Variants in PRKN observed in about 807,000 individuals in gnomAD.
PRKN encodes parkin RBR E3 ubiquitin protein ligase, also known as E3 ubiquitin-protein ligase parkin.
PRKN carries 56 observed loss-of-function variants against 59.5 expected under a neutral mutation model. That is an observed-to-expected ratio of 0.94 (90% CI 0.76 to 1.18). PRKN has a LOEUF of 1.18. Among genes scored for constraint, PRKN ranks in the 50% most tolerant of loss-of-function variants. The pLI is 0.00. For synonymous variants in PRKN, 250 were observed against 222.1 expected (o/e 1.13, Z -1.12); for missense variants, 657 against 596.4 (o/e 1.10, Z -1.06).
intron 5 of PRKN, among the ~76,000 whole-genome samples, chr6:161,987,618 T>G (rs1029514698): frequency 3.9e-5 from 6 of 152,250 alleles, no homozygotes; most frequent in Non-Finnish European, 5.9e-5. Context: ...CTTTTTAAAT[T>G]TGTTTTTAAA....
chr6:161,936,788 A>T (rs796245054), intron 6 of PRKN, among the ~76,000 whole-genome samples: 204 of 139,186 alleles, frequency 1.5e-3, no homozygotes, highest in African/African-American at 4.8e-3. Flanking sequence ...TTTGTTTCAT[A>T]TTTTTTTTTT....
At chr6:162,303,439 A>T (rs752211917) in intron 2 of PRKN, among the ~76,000 whole-genome samples, 5 of 152,212 alleles carry the variant, frequency 3.3e-5, no homozygotes, top group Middle Eastern at 3.2e-3. Context: ...CTTATGAAGA[A>T]GAATTCCTCT....
chr6:161,408,906 C>T (rs1006804862), intron 9 of PRKN, among the ~76,000 whole-genome samples: 1 of 152,120 alleles, frequency 6.6e-6, no homozygotes, highest in Non-Finnish European at 1.5e-5. Flanking sequence ...AAGCATGCAG[C>T]AAGACTTGCA....
At position 161,686,195 on chromosome 6, in the gene PRKN, T is replaced by G. The variant is rs574035603; in HGVS notation, c.871+99577A>C. On this transcript the variant is annotated intron_variant, in intron 7 of 11. Coordinates refer to ENST00000366898, the MANE Select transcript of PRKN (RefSeq NM_004562.3). ...TTTGAAGTTCCTGAGTTCAGGTCAT[T>G]AGCATTTAATTATCAATGCCACCTT... Among the ~76,000 whole-genome samples, 30 of 152,242 alleles carry G rather than the reference T, an allele frequency of 2.0e-4. 1 individual carries two copies. The South Asian group carries it at 3.5e-3, about 18-fold the overall frequency.
chr6:161,943,172 C>T (rs973505239), intron 6 of PRKN, among the ~76,000 whole-genome samples: 11 of 152,238 alleles, frequency 7.2e-5, no homozygotes, highest in African/African-American at 2.7e-4. Flanking sequence ...ATTAAATCCA[C>T]TGTCCATCAG....
chr6:161,436,569 C>G (rs182748890), intron 9 of PRKN, among the ~76,000 whole-genome samples: 82 of 151,932 alleles, frequency 5.4e-4, no homozygotes, highest in Admixed American at 5.3e-3. Context: ...TTCCTGCATT[C>G]ATGAACTGCT....
intron 10 of PRKN, among the ~76,000 whole-genome samples, chr6:161,374,548 T>C (rs111162627): frequency 0.13 from 16,499 of 128,928 alleles, 1,040 homozygotes; most frequent in Middle Eastern, 0.18. Flanking sequence ...ATGTGTGTGG[T>C]GTGTGATGTG....
chr6:161,756,379 C>G (rs1209208913), intron 7 of PRKN, among the ~76,000 whole-genome samples: 1 of 124,164 alleles, frequency 8.1e-6, no homozygotes, highest in Non-Finnish European at 1.6e-5. Context: ...GAGGTGGAGG[C>G]TGCAGTGAGC....
chr6:162,304,369 G>A (rs1168442666), intron 2 of PRKN, among the ~76,000 whole-genome samples: 1 of 150,764 alleles, frequency 6.6e-6, no homozygotes, highest in African/African-American at 2.4e-5. Context: ...GCCTAAAAAT[G>A]TTACCTTTAT....
intron 5 of PRKN, among the ~76,000 whole-genome samples, chr6:162,031,163 G>A (rs1783622313): frequency 6.6e-6 from 1 of 151,606 alleles, no homozygotes; most frequent in Non-Finnish European, 1.5e-5. Context: ...GCCTGAGAAG[G>A]ACAATTCTAG....
chr6:161,744,171 T>C (rs532489658), intron 7 of PRKN, among the ~76,000 whole-genome samples: 155 of 152,198 alleles, frequency 1.0e-3, no homozygotes, highest in South Asian at 2.1e-3. Flanking sequence ...ATTTTGCTAA[T>C]TATTTACTGT....
chr6:162,727,476 A>G (rs988827298), intron 1 of PRKN, among the ~76,000 whole-genome samples, 186 bp downstream of exon 1: 5 of 151,130 alleles, frequency 3.3e-5, no homozygotes, highest in African/African-American at 7.3e-5. Flanking sequence ...GAACGCACAC[A>G]CTGGGGCCCC....
chr6:161,787,191 T>C (rs1790454676), intron 6 of PRKN, among the ~76,000 whole-genome samples: 1 of 152,190 alleles, frequency 6.6e-6, no homozygotes, highest in Non-Finnish European at 1.5e-5. Context: ...ATATAAAAGA[T>C]AATTTCTTAA....
At chr6:161,840,401 C>G (rs1017295343) in intron 6 of PRKN, among the ~76,000 whole-genome samples, 24 of 152,198 alleles carry the variant, frequency 1.6e-4, no homozygotes, top group African/African-American at 5.1e-4. Context: ...AAAGCCATCT[C>G]GAAGATTGCC....
chr6:162,619,442 A>G (rs1476516229), intron 1 of PRKN, among the ~76,000 whole-genome samples: 1 of 151,998 alleles, frequency 6.6e-6, no homozygotes, highest in Admixed American at 6.6e-5. Flanking sequence ...TACTTTAGCT[A>G]GTGTACAATA....
chr6:162,364,007 AT>A (rs1785288641), intron 2 of PRKN, among the ~76,000 whole-genome samples: 1 of 152,166 alleles, frequency 6.6e-6, no homozygotes, highest in Non-Finnish European at 1.5e-5. Context: ...CAATTGCTTC[AT>A]TCCCTGCACA....
chr6:162,454,859 G>T (rs1275720359), intron 1 of PRKN, among the ~76,000 whole-genome samples: 6 of 152,232 alleles, frequency 3.9e-5, no homozygotes, highest in African/African-American at 1.4e-4. Flanking sequence ...GAACAACTGG[G>T]AACGGGGAGC....
intron 5 of PRKN, among the ~76,000 whole-genome samples, chr6:162,012,283 T>C (rs577809521): frequency 2.9e-4 from 44 of 152,232 alleles, no homozygotes; most frequent in African/African-American, 1.1e-3. Context: ...CCTCAAATAC[T>C]GGTATTTTTT....
At chr6:161,624,735 C>T (rs566736839) in intron 7 of PRKN, among the ~76,000 whole-genome samples, 1 of 152,340 alleles carries the variant, frequency 6.6e-6, no homozygotes, top group East Asian at 1.9e-4. Flanking sequence ...GATGGACACA[C>T]ACATTCTACT....
Sources: gnomAD v4.1 joint callset for allele counts (sites outside exome capture counted in the v4.1 genomes callset) on GRCh38, gnomAD v4.1.1 for gene constraint, MANE v1.5 for transcripts, NCBI Gene and HGNC (gene_info 2026-07-23, HGNC 2026-07-21) for gene names.